ANO1: variants seen among roughly 807,000 people sequenced by gnomAD.
The protein encoded by ANO1 is anoctamin-1.
Under a neutral mutation model 124.0 loss-of-function variants are expected in ANO1, and 59 were observed. The ratio of observed to expected loss-of-function variants is 0.48; its 90% confidence interval spans 0.39 to 0.59. ANO1 has a LOEUF of 0.59. Among genes scored for constraint, ANO1 ranks in the 20% least tolerant of loss-of-function variants. The probability of loss-of-function intolerance (pLI) is 0.00; values close to 1 mark genes in which losing one functional copy is unlikely to be tolerated. For missense variants in ANO1, 1,059 were observed against 1,328.0 expected, an observed-to-expected ratio of 0.80 and a Z score of 3.15; for synonymous variants, 529 against 532.0, an observed-to-expected ratio of 0.99 and a Z score of 0.08.
At chr11:70,000,155 T>A (rs1195607234) in intron 1 of ANO1, among the ~76,000 whole-genome samples, 8 of 152,142 alleles carry the variant, frequency 5.3e-5, no homozygotes, top group African/African-American at 1.9e-4. Context: ...GGGACATAGC[T>A]ACCCAAAATG....
At chr11:70,059,369 A>T (rs1232026083) in intron 1 of ANO1, among the ~76,000 whole-genome samples, 2 of 151,036 alleles carry the variant, frequency 1.3e-5, no homozygotes, top group Non-Finnish European at 3.0e-5. Context: ...AAAAAAAAAA[A>T]GCCGAACCAT....
At chr11:70,183,946 G>T (rs2049017884) in intron 24 of ANO1, among the ~76,000 whole-genome samples, 2 of 152,250 alleles carry the variant, frequency 1.3e-5, no homozygotes, top group Admixed American at 6.5e-5. Context: ...GAGGCCCAGA[G>T]AGGTCAAGTG....
intron 2 of ANO1, among the ~76,000 whole-genome samples, chr11:70,101,784 C>G (rs1331334362): frequency 6.6e-6 from 1 of 152,090 alleles, no homozygotes. Context: ...CTCTTCCTCC[C>G]GTCTGCCTTT....
intron 1 of ANO1, among the ~76,000 whole-genome samples, chr11:70,025,968 A>G (rs1565163741): frequency 7.2e-6 from 1 of 138,254 alleles, no homozygotes; most frequent in Non-Finnish European, 1.5e-5. Flanking sequence ...GATGATGATG[A>G]TGGTGACGAT....
chr11:69,966,246 G>A, the ANO1 span, among the ~76,000 whole-genome samples: 1 of 152,188 alleles, frequency 6.6e-6, no homozygotes, highest in African/African-American at 2.4e-5. Flanking sequence ...CTTGGGCACT[G>A]ACCCTGGCTG....
chr11:70,039,654 G>A (rs112338642), intron 1 of ANO1, among the ~76,000 whole-genome samples: 1,800 of 151,932 alleles, frequency 0.012, 28 homozygotes, highest in Admixed American at 0.031. Context: ...CCCTTCCGCA[G>A]GTAGTAGTCC....
chr11:70,004,078 C>G (rs1286372410), intron 1 of ANO1, among the ~76,000 whole-genome samples: 1 of 152,138 alleles, frequency 6.6e-6, no homozygotes, highest in Non-Finnish European at 1.5e-5. Context: ...TCTTCCCAGT[C>G]CCCAGGAGCC....
At chr11:69,996,994 A>T (rs1470394224) in intron 1 of ANO1, among the ~76,000 whole-genome samples, 1 of 152,216 alleles carries the variant, frequency 6.6e-6, no homozygotes, top group African/African-American at 2.4e-5. Flanking sequence ...TCACCAGGCC[A>T]TGAGACCTTA....
intron 1 of ANO1, among the ~76,000 whole-genome samples, chr11:70,071,173 T>C (rs1857864720): frequency 6.6e-6 from 1 of 152,224 alleles, no homozygotes; most frequent in Non-Finnish European, 1.5e-5. Flanking sequence ...TACTCTGTCC[T>C]AATATTTCGG....
intron 19 of ANO1, 113 bp from the exon 20 acceptor site, chr11:70,165,357 C>CT: frequency 1.0e-5 from 9 of 862,492 alleles, no homozygotes; most frequent in South Asian, 5.8e-5. Flanking sequence ...ACCTGAGCGT[C>CT]TTTTTTTGGA....
In ANO1 at chr11:70,188,887, G is replaced by GT. The variant is rs11436389; in HGVS notation, c.*891dup. 145,052 of 151,240 alleles carry GT rather than the reference G, an allele frequency of 0.96. 69,651 individuals are homozygous for GT. The highest frequency in any genetic ancestry group is 0.98 in the Non-Finnish European group (66,633 of 67,792). The allele number at this position is 151,240 out of a possible 1,614,324, so 9.4% of individuals were successfully genotyped here. A position where few individuals can be genotyped will look rare whatever the true frequency, so the allele number is the denominator to read the frequency against. ...CCTGGAAGCTTTAGAATATTTATGG[G>GT]TTTTTTTTCAAATATCAATTATATG... is the stretch of plus-strand genomic sequence containing the variant. On this transcript the variant is annotated 3_prime_UTR_variant, in exon 26 of 26. Coordinates refer to ENST00000355303, the MANE Select transcript of ANO1 (RefSeq NM_018043.7).
intron 1 of ANO1, among the ~76,000 whole-genome samples, chr11:70,011,733 T>C (rs1856601216): frequency 6.6e-6 from 1 of 152,044 alleles, no homozygotes. Flanking sequence ...TATTCTTAGA[T>C]CATCCCCTGA....
intron 2 of ANO1, among the ~76,000 whole-genome samples, chr11:70,093,233 C>T (rs1431504112): frequency 1.3e-5 from 2 of 149,526 alleles, no homozygotes; most frequent in Non-Finnish European, 3.0e-5. Flanking sequence ...TCCCACCTCC[C>T]TCTTTTTCAC....
intron 16 of ANO1, among the ~76,000 whole-genome samples, chr11:70,159,773 G>A (rs1396999929): frequency 6.6e-6 from 1 of 152,234 alleles, no homozygotes; most frequent in African/African-American, 2.4e-5. Context: ...CCGCATGCTG[G>A]CACGGGGACA....
the ANO1 span, among the ~76,000 whole-genome samples, chr11:69,966,880 C>A: frequency 2.6e-5 from 4 of 152,154 alleles, no homozygotes; most frequent in Non-Finnish European, 5.9e-5. Context: ...GATGCAAGCA[C>A]CTTCTAGGGT....
At chr11:70,013,378 C>T (rs61886394) in intron 1 of ANO1, among the ~76,000 whole-genome samples, 7 of 150,634 alleles carry the variant, frequency 4.6e-5, no homozygotes, top group Non-Finnish European at 1.0e-4. Flanking sequence ...CCACACCAGG[C>T]TTGCCTTTTT....
At chr11:70,013,710 G>A (rs1856642781) in intron 1 of ANO1, among the ~76,000 whole-genome samples, 2 of 151,728 alleles carry the variant, frequency 1.3e-5, no homozygotes, top group South Asian at 2.1e-4. Context: ...GCTGAGGCAG[G>A]AGAATCGTCC....
intron 8 of ANO1, among the ~76,000 whole-genome samples, chr11:70,123,898 G>GGT (rs2046390403): frequency 6.6e-6 from 1 of 152,084 alleles, no homozygotes; most frequent in Non-Finnish European, 1.5e-5. Context: ...GGGGTAACAG[G>GGT]GTGTGTGTCA....
intron 1 of ANO1, among the ~76,000 whole-genome samples, chr11:70,067,709 G>A (rs1857767072): frequency 2.0e-5 from 3 of 152,134 alleles, no homozygotes; most frequent in Admixed American, 2.0e-4. Flanking sequence ...GGATGCACAG[G>A]CAGCCCCAAG....
Sources: allele counts gnomAD v4.1 joint callset (sites outside exome capture counted in the v4.1 genomes callset), GRCh38; gene constraint gnomAD v4.1.1; transcripts MANE v1.5; gene names NCBI Gene and HGNC (gene_info 2026-07-23, HGNC 2026-07-21).